TLL2: variants seen among roughly 807,000 people sequenced by gnomAD.
TLL2 encodes the protein tolloid-like protein 2.
In TLL2, 106 loss-of-function variants were observed where a neutral mutation model predicts 123.0. That is an observed-to-expected ratio of 0.86 (90% CI 0.74 to 1.01). The LOEUF (loss-of-function observed/expected upper bound fraction) is 1.01, where lower values mean the gene tolerates loss of function less well. Among genes scored for constraint, TLL2 ranks in the 50% least tolerant of loss-of-function variants. TLL2 has a pLI of 0.00. For synonymous variants in TLL2, 494 were observed against 516.8 expected, an observed-to-expected ratio of 0.96 and a Z score of 0.60; for missense variants, 1,332 against 1,336.7, an observed-to-expected ratio of 1.00 and a Z score of 0.06.
chr10:96,456,621 A>G (rs985789889), intron 2 of TLL2, among the ~76,000 whole-genome samples: 3 of 152,184 alleles, frequency 2.0e-5, no homozygotes, highest in Admixed American at 1.3e-4. Context: ...GGAATAGAAA[A>G]TTGTCCCCTC....
In TLL2 at chr10:96,422,708, G is replaced by A. The variant is rs368595189; in HGVS notation, c.658C>T (p.Arg220Cys). The A allele has an allele frequency of 1.7e-5, 27 of 1,613,988 alleles. No homozygotes were observed. Among genetic ancestry groups the A allele is most frequent in the Middle Eastern group, 1.6e-4 (1 of 6,084 alleles). Residue 220 changes from arginine to cysteine, a missense_variant, in exon 6 of 21, where the codon CGC becomes TGC. Arg to Cys is a radical substitution (Grantham distance 180). Coordinates refer to ENST00000357947, the MANE Select transcript of TLL2 (RefSeq NM_012465.4). ...RTCGCCSYVG[R>C]RGGGPQAISI... ...ATGGCCTGTGGGCCTCCTCCTCGGC[G>A]CCCAACATAGGAGCAACAGCTGGAC...
chr10:96,374,782 C>T (rs1468270353), intron 18 of TLL2, among the ~76,000 whole-genome samples: 1 of 152,156 alleles, frequency 6.6e-6, no homozygotes, highest in Non-Finnish European at 1.5e-5. Context: ...CCCTAACGCT[C>T]GCCAGGGGCG....
intron 2 of TLL2, 103 bp from the exon 3 acceptor site, chr10:96,446,271 T>C (rs963133238): frequency 3.8e-6 from 4 of 1,040,168 alleles, no homozygotes; most frequent in African/African-American, 1.6e-5. Context: ...AGGATCAGAA[T>C]CACCACGGAT....
chr10:96,422,735 A>G lies in TLL2; in HGVS notation c.639-8T>C, dbSNP rs1478697207. 2 of 1,614,054 alleles carry G rather than the reference A, an allele frequency of 1.2e-6. No individual in the cohort carries two copies. Among genetic ancestry groups the G allele is most frequent in the South Asian group, 2.2e-5 (2 of 91,076 alleles). On this transcript the variant is annotated splice_polypyrimidine_tract_variant and splice_region_variant and intron_variant, in intron 5 of 20. Transcript: ENST00000357947. ...CCAACATAGGAGCAACAGCTGGACA[A>G]TTGCAGGAATACCCAGGTCAGCAGG...
chr10:96,433,590 T>C (rs1846765828), intron 3 of TLL2, among the ~76,000 whole-genome samples: 1 of 152,136 alleles, frequency 6.6e-6, no homozygotes, highest in Non-Finnish European at 1.5e-5. Context: ...AATAGAACGC[T>C]GAAATCCATG....
In TLL2 at chr10:96,395,893, A is replaced by T; in HGVS notation, c.1512T>A (p.Leu504=). The T allele has an allele frequency of 6.2e-7, 1 of 1,614,222 alleles. No homozygotes were observed. Among genetic ancestry groups the T allele is most frequent in the Non-Finnish European group, 8.5e-7 (1 of 1,180,036 alleles). The change falls in exon 12 of 21, where the codon CTT becomes CTA. Residue 504 remains leucine, a synonymous_variant. Transcript: ENST00000357947. ...CACTCACCTCAAAAGCTTGGAAGGT[A>T]AGTCCCACGTGAAACCCCTCTGAAA... ...ITVSEGFHVG[L]TFQAFEIERH...
At position 96,430,138 on chromosome 10, in the gene TLL2, C is replaced by CT. The variant is rs397793690; in HGVS notation, c.521-1391_521-1390insA. ...TCAGATCTCGTTTTGAAACATAATCCCAGTGTTGGAGGTGGGCCTGGTGGG... is the reference window on the plus strand; with the variant it reads ...TCAGATCTCGTTTTGAAACATAATCCTCAGTGTTGGAGGTGGGCCTGGTGGG... On this transcript the variant is annotated intron_variant, in intron 4 of 20. Coordinates refer to ENST00000357947, the MANE Select transcript of TLL2 (RefSeq NM_012465.4). 9.7e-4 allele frequency among the ~76,000 whole-genome samples: 147 copies of CT among 151,772 alleles called. 1 individual carries two copies. Among genetic ancestry groups the CT allele is most frequent in the African/African-American group, 3.5e-3 (143 of 41,384 alleles).
chr10:96,504,190 C>A (rs981353097), intron 1 of TLL2, among the ~76,000 whole-genome samples: 1 of 152,202 alleles, frequency 6.6e-6, no homozygotes, highest in African/African-American at 2.4e-5. Context: ...CTCCAAATAG[C>A]CAGGGGCTGG....
intron 5 of TLL2, 32 bp downstream of exon 5, chr10:96,428,599 C>T: frequency 7.0e-7 from 1 of 1,422,186 alleles, no homozygotes; most frequent in South Asian, 1.2e-5. Flanking sequence ...CCGACTGATT[C>T]TGCAGAGGTG....
At chr10:96,396,899 A>G (rs1470323981) in intron 11 of TLL2, among the ~76,000 whole-genome samples, 1 of 152,122 alleles carries the variant, frequency 6.6e-6, no homozygotes, top group Non-Finnish European at 1.5e-5. Flanking sequence ...AGATCCCCCC[A>G]ATACCGTCCT....
chr10:96,383,208 G>C (rs892667534), intron 16 of TLL2, among the ~76,000 whole-genome samples: 20 of 152,196 alleles, frequency 1.3e-4, no homozygotes, highest in African/African-American at 4.8e-4. Context: ...TACAGCTGCT[G>C]TACTGGCCCT....
intron 19 of TLL2, 92 bp downstream of exon 19, chr10:96,373,504 G>T: frequency 8.0e-7 from 1 of 1,254,236 alleles, no homozygotes; most frequent in Non-Finnish European, 1.2e-6. Flanking sequence ...CCCCCAGTCA[G>T]AATAAAAGGC....
chr10:96,384,816 C>T, intron 15 of TLL2, 49 bp from the exon 16 acceptor site: 1 of 1,518,388 alleles, frequency 6.6e-7, no homozygotes, highest in Non-Finnish European at 8.9e-7. Context: ...GTCCCCACCC[C>T]AGACCCCCAG....
chr10:96,508,755 A>C lies in TLL2; in HGVS notation c.175+4756T>G, dbSNP rs575512380. 5.9e-5 allele frequency among the ~76,000 whole-genome samples: 9 copies of C among 151,988 alleles called. No homozygotes were observed. In the South Asian group the frequency reaches 1.9e-3, roughly 32 times the overall value. ...TTGAGAACTTTTTCTAAATCTGTAG[A>C]GCCCTCTATTCCTGGATATTCAGGG... On this transcript the variant is annotated intron_variant, in intron 1 of 20. Transcript: ENST00000357947.
chr10:96,412,715 C>T (rs1846518759), intron 8 of TLL2, among the ~76,000 whole-genome samples: 1 of 152,192 alleles, frequency 6.6e-6, no homozygotes, highest in Admixed American at 6.5e-5. Flanking sequence ...CACTGAGACT[C>T]CCTCCACCTT....
intron 11 of TLL2, 32 bp from the exon 12 acceptor site, chr10:96,396,052 G>T (rs1404922353): frequency 6.2e-7 from 1 of 1,611,898 alleles, no homozygotes; most frequent in Admixed American, 1.7e-5. Flanking sequence ...GAGGAAGACG[G>T]GGGCCCTGGT....
intron 16 of TLL2, among the ~76,000 whole-genome samples, chr10:96,382,729 G>T (rs913109380): frequency 6.6e-6 from 1 of 152,214 alleles, no homozygotes; most frequent in African/African-American, 2.4e-5. Flanking sequence ...GAAGGCATTT[G>T]CCAGATGTTC....
At chr10:96,482,604 T>C (rs1213387281) in intron 1 of TLL2, among the ~76,000 whole-genome samples, 4 of 152,238 alleles carry the variant, frequency 2.6e-5, no homozygotes, top group Non-Finnish European at 5.9e-5. Context: ...TCAATTGATA[T>C]GAAATGTCTA....
chr10:96,396,568 A>G (rs1292667396), intron 11 of TLL2, among the ~76,000 whole-genome samples: 1 of 146,562 alleles, frequency 6.8e-6, no homozygotes, highest in Non-Finnish European at 1.5e-5. Context: ...ATTTTCTGGT[A>G]GTTTTCCCCT....
Sources: gnomAD v4.1 joint callset for allele counts (sites outside exome capture counted in the v4.1 genomes callset) on GRCh38, gnomAD v4.1.1 for gene constraint, MANE v1.5 for transcripts, NCBI Gene and HGNC (gene_info 2026-07-23, HGNC 2026-07-21) for gene names.